Variants in CHD6 observed in about 807,000 individuals in gnomAD.
CHD6 encodes chromodomain helicase DNA binding protein 6.
Under a neutral mutation model 276.9 loss-of-function variants are expected in CHD6, and 50 were observed. The observed-to-expected ratio is 0.18, with a 90% confidence interval of 0.14 to 0.23. The LOEUF is 0.23. CHD6 is among the 10% of genes least tolerant of loss of function. CHD6 has a pLI of 1.00. For missense variants in CHD6, 2,564 were observed against 3,365.8 expected (o/e 0.76, Z 5.89); for synonymous variants, 1,173 against 1,229.3 (o/e 0.95, Z 0.96).
At chr20:41,609,848 CTTTTT>C (rs1440635803) in intron 1 of CHD6, among the ~76,000 whole-genome samples, 1 of 140,632 alleles carries the variant, frequency 7.1e-6, no homozygotes, top group African/African-American at 2.7e-5. Flanking sequence ...CTTTTTTTTT[CTTTTT>C]TCTTTTTTTT....
At chr20:41,480,980 A>G (rs6072385) in intron 16 of CHD6, among the ~76,000 whole-genome samples, 58,207 of 151,818 alleles carry the variant, frequency 0.38, 13,947 homozygotes, top group African/African-American at 0.66. Flanking sequence ...GGGTATGGTG[A>G]TCTATGCCTA....
At chr20:41,433,603 G>C (rs992548221) in intron 27 of CHD6, among the ~76,000 whole-genome samples, 11 of 151,932 alleles carry the variant, frequency 7.2e-5, no homozygotes, top group African/African-American at 2.7e-4. Context: ...CTTAAAAGAA[G>C]AGCTAAAGAG....
intron 1 of CHD6, among the ~76,000 whole-genome samples, chr20:41,587,839 C>T (rs1001603272): frequency 1.3e-5 from 2 of 151,454 alleles, no homozygotes; most frequent in East Asian, 3.9e-4. Flanking sequence ...CCAAAAAAAA[C>T]CCAAAAAAAC....
chr20:41,404,971 T>C lies in CHD6; in HGVS notation c.7770A>G (p.Pro2590=). 1 of 1,614,260 alleles carries C rather than the reference T, an allele frequency of 6.2e-7. No individual in the cohort carries two copies. The highest frequency in any genetic ancestry group is 8.5e-7 in the Non-Finnish European group (1 of 1,180,048). The part of the protein sequence containing the change: ...TDTLAEDKPG[P]GPFSDQSEPA... ...GTTCAGACTGATCAGAAAATGGACC[T>C]GGACCAGGCTTGTCCTCAGCTAAAG... Residue 2590 remains proline, a synonymous_variant, in exon 37 of 37, where the codon CCA becomes CCG. Transcript: ENST00000373233.
intron 23 of CHD6, among the ~76,000 whole-genome samples, chr20:41,450,649 G>A (rs1490022813): frequency 1.3e-5 from 2 of 152,230 alleles, no homozygotes; most frequent in Admixed American, 1.3e-4. Flanking sequence ...GTGACCTCAG[G>A]GGCAGAGGAT....
rs1473323404 is a variant in CHD6 at position 41,420,960 on chromosome 20, T to C, written c.5675A>G (p.His1892Arg). Residue 1892 changes from histidine to arginine, a missense_variant, in exon 31 of 37, where the codon CAT (histidine) becomes CGT (arginine). His to Arg is a conservative substitution (Grantham distance 29, BLOSUM62 0). Coordinates refer to ENST00000373233, the MANE Select transcript of CHD6 (RefSeq NM_032221.5). Reference sequence around the variant, plus strand: ...GATGTTAGTAGTGGGCTCCGTGAGATGCAATACCTCTGGCCTTTCCCCCAT... The same window carrying C: ...GATGTTAGTAGTGGGCTCCGTGAGACGCAATACCTCTGGCCTTTCCCCCAT... ...VGMGERPEVL[H>R]LTEPTTNISR... 1.9e-6 allele frequency: 3 copies of C among 1,614,140 alleles called. No individual in the cohort carries two copies. Among genetic ancestry groups the C allele is most frequent in the Admixed American group, 1.7e-5 (1 of 60,008 alleles).
In CHD6 at chr20:41,421,845, T is replaced by C. The variant is rs2047204880; in HGVS notation, c.4790A>G (p.Asp1597Gly). The C allele has an allele frequency of 6.2e-7, 1 of 1,613,976 alleles. No individual in the cohort carries two copies. ...CTGGGGGTCGTTCATGATGTAACAG[T>C]CAGTGCGGTTCAGCCCATGTTTGGC... ...GTAKHGLNRT[D>G]CYIMNDPQLS... is the part of the protein sequence containing the mutation. The change falls in exon 31 of 37, where the codon GAC becomes GGC. Residue 1597 changes from aspartate (D) to glycine (G), a missense_variant. Physicochemically the swap from Asp to Gly is moderately conservative, Grantham distance 94. This residue lies in a region of CHD6 where 515 missense variants were observed against 739.5 expected (regional missense o/e 0.70). Coordinates refer to ENST00000373233, the MANE Select transcript of CHD6 (RefSeq NM_032221.5).
intron 1 of CHD6, among the ~76,000 whole-genome samples, chr20:41,582,788 A>T (rs777374537): frequency 1.3e-5 from 2 of 152,220 alleles, no homozygotes; most frequent in Non-Finnish European, 2.9e-5. Context: ...AAGATGAAAT[A>T]TGTGACAAAG....
chr20:41,575,889 A>G (rs2045469261), intron 1 of CHD6, among the ~76,000 whole-genome samples: 2 of 152,214 alleles, frequency 1.3e-5, no homozygotes, highest in South Asian at 4.1e-4. Flanking sequence ...TTTTCTAAAG[A>G]TGCTATGCCA....
At chr20:41,609,451 T>C (rs1371686948) in intron 1 of CHD6, among the ~76,000 whole-genome samples, 1 of 152,332 alleles carries the variant, frequency 6.6e-6, no homozygotes, top group East Asian at 1.9e-4. Flanking sequence ...CTCACTGCTT[T>C]GTGAGTATAC....
chr20:41,591,037 AATG>A (rs1182508190), intron 1 of CHD6, among the ~76,000 whole-genome samples: 1 of 151,988 alleles, frequency 6.6e-6, no homozygotes, highest in Admixed American at 6.6e-5. Context: ...GCCATAAAAA[AATG>A]ATGAGTTCAT....
chr20:41,597,347 C>T (rs1365663312), intron 1 of CHD6, among the ~76,000 whole-genome samples: 1 of 152,184 alleles, frequency 6.6e-6, no homozygotes, highest in African/African-American at 2.4e-5. Flanking sequence ...TTAAATTCCA[C>T]TACGGACCTC....
At chr20:41,519,965 A>T (rs2044347534) in intron 3 of CHD6, among the ~76,000 whole-genome samples, 1 of 152,212 alleles carries the variant, frequency 6.6e-6, no homozygotes, top group South Asian at 2.1e-4. Flanking sequence ...ACGAGCTCAA[A>T]ACAAATTTGT....
At chr20:41,561,328 T>TC (rs1338549443) in intron 1 of CHD6, among the ~76,000 whole-genome samples, 1 of 152,218 alleles carries the variant, frequency 6.6e-6, no homozygotes, top group East Asian at 1.9e-4. Context: ...GTCATTTTTT[T>TC]CCCTGAAGAT....
rs1019165306 is a variant in CHD6 at position 41,439,653 on chromosome 20, T to A, written c.4007+347A>T. Among the ~76,000 whole-genome samples the A allele has an allele frequency of 2.6e-5, 4 of 152,316 alleles. No homozygotes were observed. The East Asian group carries it at 7.7e-4, about 29-fold the overall frequency. ...TGTACTTGTTTCTGTTCTTAGCTAT[T>A]CTGCCAGGCATGGGAGGTCTGAATT... On this transcript the variant is annotated intron_variant, in intron 26 of 36. Transcript: ENST00000373233.
At chr20:41,537,126 A>T (rs2146092610) in intron 2 of CHD6, among the ~76,000 whole-genome samples, 1 of 152,332 alleles carries the variant, frequency 6.6e-6, no homozygotes, top group South Asian at 2.1e-4. Context: ...TGTGAAATAT[A>T]GTAATTAAGG....
intron 1 of CHD6, among the ~76,000 whole-genome samples, chr20:41,599,942 G>A (rs1259339719): frequency 5.3e-5 from 8 of 152,250 alleles, no homozygotes; most frequent in Non-Finnish European, 1.0e-4. Flanking sequence ...AAAGGACACA[G>A]AAACAGGAAC....
At chr20:41,450,741 G>A (rs954806041) in intron 23 of CHD6, among the ~76,000 whole-genome samples, 4 of 152,174 alleles carry the variant, frequency 2.6e-5, no homozygotes, top group African/African-American at 9.7e-5. Context: ...CAGGTTCTGC[G>A]GGAGAGCAGA....
At chr20:41,571,083 T>C (rs2045410836) in intron 1 of CHD6, among the ~76,000 whole-genome samples, 1 of 152,156 alleles carries the variant, frequency 6.6e-6, no homozygotes, top group Admixed American at 6.5e-5. Flanking sequence ...CATTAACTCC[T>C]ATATGGGAGT....
Sources: allele counts gnomAD v4.1 joint callset (sites outside exome capture counted in the v4.1 genomes callset), GRCh38; gene constraint gnomAD v4.1.1; regional missense constraint gnomAD v4.1.1; transcripts MANE v1.5; gene names NCBI Gene and HGNC (gene_info 2026-07-23, HGNC 2026-07-21).